The following RFX7 variants were observed in gnomAD, a reference collection of about 807,000 sequenced individuals.
RFX7 encodes DNA-binding protein RFX7.
RFX7 carries 26 observed loss-of-function variants against 111.8 expected under a neutral mutation model. The observed-to-expected ratio is 0.23, with a 90% CI of 0.17 to 0.32. RFX7 has a LOEUF of 0.32. Among genes scored for constraint, RFX7 ranks in the 10% least tolerant of loss-of-function variants. The pLI, the probability that RFX7 is intolerant of heterozygous loss-of-function variation, is 1.00. For synonymous variants in RFX7, 624 were observed against 624.4 expected (o/e 1.00, Z 0.01); for missense variants, 1,573 against 1,772.9 (o/e 0.89, Z 2.02).
intron 3 of RFX7, among the ~76,000 whole-genome samples, chr15:56,155,966 T>C (rs2042647294): frequency 6.6e-6 from 1 of 152,008 alleles, no homozygotes; most frequent in South Asian, 2.1e-4. Flanking sequence ...CATGCTCTCT[T>C]CCAGTTAACT....
At chr15:56,126,749 G>A (rs991832070) in intron 5 of RFX7, among the ~76,000 whole-genome samples, 4 of 152,070 alleles carry the variant, frequency 2.6e-5, no homozygotes, top group African/African-American at 9.7e-5. Flanking sequence ...AAAAAGAACT[G>A]GAGGGCTGTA....
At chr15:56,218,449 A>G (rs1179035778) in intron 2 of RFX7, among the ~76,000 whole-genome samples, 3 of 152,118 alleles carry the variant, frequency 2.0e-5, no homozygotes, top group African/African-American at 7.2e-5. Context: ...AATTTAAAGT[A>G]TATAGAAGAA....
At chr15:56,158,090 A>G (rs2042675803) in intron 3 of RFX7, among the ~76,000 whole-genome samples, 1 of 152,228 alleles carries the variant, frequency 6.6e-6, no homozygotes, top group African/African-American at 2.4e-5. Flanking sequence ...CCCATATTAC[A>G]TAAGACCTAT....
chr15:56,111,661 C>CAAAAAAAAAAAAAAAAAAAAAAAAAA (rs371681721), intron 5 of RFX7, among the ~76,000 whole-genome samples: 4 of 95,578 alleles, frequency 4.2e-5, no homozygotes, highest in Non-Finnish European at 6.1e-5. Flanking sequence ...ATAAATAAAC[C>CAAAAAAAAAAAAAAAAAAAAAAAAAA]AAAAAAAAAA....
chr15:56,198,430 G>GT (rs1366789324), intron 2 of RFX7, among the ~76,000 whole-genome samples: 2 of 152,268 alleles, frequency 1.3e-5, no homozygotes, highest in Non-Finnish European at 2.9e-5. Context: ...GCCTCCCAAT[G>GT]TAAGTACGCA....
chr15:56,226,976 C>T (rs1272038358), intron 2 of RFX7, among the ~76,000 whole-genome samples: 2 of 152,090 alleles, frequency 1.3e-5, no homozygotes, highest in Non-Finnish European at 2.9e-5. Flanking sequence ...AGGAAAAACT[C>T]TTTGGTATGT....
intron 2 of RFX7, among the ~76,000 whole-genome samples, chr15:56,180,750 C>CAAAAAA (rs869160446): frequency 6.1e-5 from 4 of 65,576 alleles, no homozygotes; most frequent in Admixed American, 1.6e-4. Flanking sequence ...TACTAAAATA[C>CAAAAAA]AAAAAAAAAA....
Position 56,090,282 on chromosome 15 carries a change from A to G in RFX7, c.*3063T>C, listed in dbSNP as rs1248091749. ...AGAAAAAGATGGCTTTTTGGACAAC[A>G]TAAAGTTCTATGCCATGCACCATTC... On this transcript the variant is annotated 3_prime_UTR_variant, in exon 10 of 10. Transcript: ENST00000559447. 1 of 152,238 alleles carries G rather than the reference A, an allele frequency of 6.6e-6. No homozygotes were observed. The highest frequency in any genetic ancestry group is 1.5e-5 in the Non-Finnish European group (1 of 68,032). The allele number at this position is 152,238 out of a possible 1,614,324, so 9.4% of individuals were successfully genotyped here. A position where few individuals can be genotyped will look rare whatever the true frequency, so the allele number is the denominator to read the frequency against.
intron 3 of RFX7, among the ~76,000 whole-genome samples, chr15:56,170,374 G>C (rs1595984170): frequency 6.6e-6 from 1 of 152,186 alleles, no homozygotes; most frequent in Non-Finnish European, 1.5e-5. Flanking sequence ...AGAAGGAACA[G>C]TCTAGAATAG....
At chr15:56,111,660 C>CCAAAAAAAAAAAAAAAAAAAA (rs765830824) in intron 5 of RFX7, among the ~76,000 whole-genome samples, 13 of 77,866 alleles carry the variant, frequency 1.7e-4, no homozygotes, top group Middle Eastern at 7.9e-3. Flanking sequence ...AATAAATAAA[C>CCAAAAAAAAAAAAAAAAAAAA]CAAAAAAAAA....
chr15:56,146,523 T>C (rs2042475524), intron 3 of RFX7, among the ~76,000 whole-genome samples: 2 of 152,166 alleles, frequency 1.3e-5, no homozygotes, highest in Non-Finnish European at 2.9e-5. Flanking sequence ...TCATTTTTGA[T>C]CATAAAGAAA....
intron 2 of RFX7, among the ~76,000 whole-genome samples, chr15:56,221,768 T>C (rs1373561012): frequency 2.6e-5 from 4 of 152,226 alleles, no homozygotes; most frequent in African/African-American, 9.6e-5. Context: ...CACTTAATAT[T>C]GTAAGTTCAT....
chr15:56,090,575 T>TA lies in RFX7; in HGVS notation c.*2769dup, dbSNP rs1200602106. On this transcript the variant is annotated 3_prime_UTR_variant, in exon 10 of 10. Coordinates refer to ENST00000559447, the MANE Select transcript of RFX7 (RefSeq NM_022841.7). The stretch of plus-strand genomic sequence containing the variant: ...GTTTTTAATTGTTTTTGAAAACATT[T>TA]AAAAAACAATTTTTGAGCACTTTAA... The TA allele has an allele frequency of 2.0e-5, 3 of 152,618 alleles. No individual in the cohort carries two copies. The highest frequency in any genetic ancestry group is 6.5e-5 in the Admixed American group (1 of 15,270). 9.5% of individuals were successfully genotyped at this position (152,618 alleles called of 1,614,324 possible).
intron 2 of RFX7, among the ~76,000 whole-genome samples, chr15:56,218,398 C>A (rs1267427038): frequency 6.6e-6 from 1 of 152,044 alleles, no homozygotes; most frequent in Non-Finnish European, 1.5e-5. Flanking sequence ...TCCCAAAGTG[C>A]TGGGATTACA....
Position 56,094,848 on chromosome 15 carries a change from T to A in RFX7, c.2880A>T (p.Pro960=). ...PTPTPTPTPT[P]TPTPTSEMIA... ...TCATTTCAGATGTCGGGGTTGGGGT[T>A]GGGGTTGGAGTAGGAGTGGGTGTGG... is the stretch of plus-strand genomic sequence containing the variant. The change falls in exon 10 of 10, where the codon CCA becomes CCT. Residue 960 remains proline, a synonymous_variant. Coordinates refer to ENST00000559447, the MANE Select transcript of RFX7 (RefSeq NM_022841.7). 6.4e-7 allele frequency: 1 copy of A among 1,556,550 alleles called. No individual in the cohort carries two copies. Among genetic ancestry groups the A allele is most frequent in the Non-Finnish European group, 8.7e-7 (1 of 1,150,528 alleles).
At chr15:56,107,339 T>TC (rs2041845591) in intron 5 of RFX7, among the ~76,000 whole-genome samples, 2 of 150,388 alleles carry the variant, frequency 1.3e-5, no homozygotes, top group Admixed American at 6.6e-5. Context: ...AGAATTGTTT[T>TC]TTTTTTTCTC....
rs569790927 is a variant in RFX7 at position 56,137,223 on chromosome 15, C to G, written c.401+5555G>C. Among the ~76,000 whole-genome samples the G allele has an allele frequency of 2.0e-5, 3 of 152,114 alleles. No individual in the cohort carries two copies. In the South Asian group the frequency reaches 6.2e-4, roughly 32 times the overall value. On this transcript the variant is annotated intron_variant, in intron 5 of 9. Coordinates refer to ENST00000559447, the MANE Select transcript of RFX7 (RefSeq NM_022841.7). The stretch of plus-strand genomic sequence containing the variant: ...TCCTCCTTGTACCTCTGGTAGAATT[C>G]GGCTGTGCATCCATCTGGTCCTGGA...
chr15:56,234,283 CTTT>C (rs1306699446), intron 2 of RFX7, among the ~76,000 whole-genome samples: 11 of 152,288 alleles, frequency 7.2e-5, no homozygotes, highest in Non-Finnish European at 1.5e-4. Context: ...ATGTCTTATA[CTTT>C]TTTAACCTTT....
intron 2 of RFX7, among the ~76,000 whole-genome samples, chr15:56,209,218 T>C (rs749626791): frequency 6.6e-6 from 1 of 150,622 alleles, no homozygotes; most frequent in African/African-American, 2.4e-5. Context: ...GGAGCCAAGA[T>C]AAGAATTATA....
Sources: allele counts gnomAD v4.1 joint callset (sites outside exome capture counted in the v4.1 genomes callset), GRCh38; gene constraint gnomAD v4.1.1; transcripts MANE v1.5; gene names NCBI Gene and HGNC (gene_info 2026-07-23, HGNC 2026-07-21).